Variants in ING3 observed in about 807,000 individuals in gnomAD.
ING3 encodes the protein inhibitor of growth protein 3.
Under a neutral mutation model 64.8 loss-of-function variants are expected in ING3, and 6 were observed. The ratio of observed to expected loss-of-function variants is 0.09; its 90% CI spans 0.05 to 0.18. ING3 has a LOEUF of 0.18. ING3 is among the 10% of genes least tolerant of loss of function. The pLI, the probability that ING3 is intolerant of heterozygous loss-of-function variation, is 1.00. For missense variants in ING3, 310 were observed against 489.7 expected (o/e 0.63, Z 3.46); for synonymous variants, 170 against 173.7 (o/e 0.98, Z 0.17).
intron 9 of ING3, among the ~76,000 whole-genome samples, chr7:120,970,262 G>A (rs1796050168): frequency 2.0e-5 from 3 of 152,024 alleles, no homozygotes; most frequent in South Asian, 2.1e-4. Context: ...TCAGGAGATC[G>A]AGACCATCCT....
intron 4 of ING3, among the ~76,000 whole-genome samples, chr7:120,961,683 G>T (rs942775890): frequency 1.3e-5 from 2 of 152,176 alleles, no homozygotes; most frequent in African/African-American, 4.8e-5. Context: ...GATCATGAGT[G>T]TGTTAACAAG....
At chr7:120,973,489 T>C (rs930544111) in intron 11 of ING3, among the ~76,000 whole-genome samples, 1 of 152,180 alleles carries the variant, frequency 6.6e-6, no homozygotes, top group African/African-American at 2.4e-5. Flanking sequence ...TGTTATGTTG[T>C]ATGAAAATTA....
At chr7:120,971,957 A>G (rs1042105832) in intron 10 of ING3, among the ~76,000 whole-genome samples, 15 of 152,110 alleles carry the variant, frequency 9.9e-5, no homozygotes, top group Admixed American at 9.8e-4. Flanking sequence ...GTAGTTTTAT[A>G]TTATGATTGT....
intron 10 of ING3, 33 bp downstream of exon 10, chr7:120,970,913 C>G (rs1254818161): frequency 6.7e-7 from 1 of 1,486,788 alleles, no homozygotes; most frequent in Middle Eastern, 1.7e-4. Flanking sequence ...AAAGTATAAT[C>G]TGAATAAACT....
intron 1 of ING3, 80 bp downstream of exon 1, chr7:120,951,004 C>A: frequency 3.5e-6 from 2 of 575,392 alleles, no homozygotes; most frequent in Non-Finnish European, 6.6e-6. Flanking sequence ...AGCGAGATGG[C>A]GGGAGGGAGG....
At position 120,969,067 on chromosome 7, in the gene ING3, T is replaced by G. The variant is rs776051200; in HGVS notation, c.771T>G (p.Asn257Lys). 1 of 1,613,994 alleles carries G rather than the reference T, an allele frequency of 6.2e-7. No homozygotes were observed. Among genetic ancestry groups the G allele is most frequent in the Non-Finnish European group, 8.5e-7 (1 of 1,179,906 alleles). The change falls in exon 9 of 12, where the codon AAT becomes AAG. Residue 257 changes from asparagine (N) to lysine (K), a missense_variant. Asn to Lys is a moderately conservative substitution (Grantham distance 94). Transcript: ENST00000315870. ...AAGCCAGTTATGAAGCATTTAAGAA[T>G]AATGACTTTCAGTTGGGAAAAGAAT... ...SLKASYEAFKNNDFQLGKEFS... is the reference protein window; with the variant it reads ...SLKASYEAFKKNDFQLGKEFS...
rs1050420192 is a variant in ING3 at position 120,973,069 on chromosome 7, T to A, written c.1102-136T>A. 8.4e-6 allele frequency: 4 copies of A among 477,552 alleles called. No homozygotes were observed. The African/African-American group carries it at 8.4e-5, about 10-fold the overall frequency. The allele number at this position is 477,552 out of a possible 1,614,324, so 29.6% of individuals were successfully genotyped here. A position where few individuals can be genotyped will look rare whatever the true frequency, so the allele number is the denominator to read the frequency against. ...AGAGTATTTCAGGAAAAAATTATTA[T>A]ACCTTGATTCTCAATGTAATTGTAT... On this transcript the variant is annotated intron_variant, in intron 10 of 11. Transcript: ENST00000315870.
chr7:120,950,872 T>C lies in ING3; in HGVS notation c.-25T>C, dbSNP rs1256204964. The C allele has an allele frequency of 6.2e-6, 10 of 1,612,680 alleles. No individual in the cohort carries two copies. The highest frequency in any genetic ancestry group is 8.5e-6 in the Non-Finnish European group (10 of 1,179,248). The stretch of plus-strand genomic sequence containing the variant: ...ACACAAATAAACCCCTGGACCCCCT[T>C]GTTCCCTCAGCTCTAAGGGCCGCGA... On this transcript the variant is annotated 5_prime_UTR_variant, in exon 1 of 12. Coordinates refer to ENST00000315870, the MANE Select transcript of ING3 (RefSeq NM_019071.3).
Position 120,967,544 on chromosome 7 carries a change from C to A in ING3, c.452C>A (p.Pro151Gln). The A allele has an allele frequency of 6.5e-7, 1 of 1,549,212 alleles. No homozygotes were observed. Among genetic ancestry groups the A allele is most frequent in the Non-Finnish European group, 8.8e-7 (1 of 1,137,726 alleles). Residue 151 changes from proline to glutamine, a missense_variant, in exon 7 of 12, where the codon CCA becomes CAA. Coordinates refer to ENST00000315870, the MANE Select transcript of ING3 (RefSeq NM_019071.3). Reference protein sequence around the residue: ...HTPVEKRKYNPTSHHTTTDHI... With the variant: ...HTPVEKRKYNQTSHHTTTDHI... ...TTATATTTAGAAAGGAAATATAATC[C>A]AACTTCTCACCATACGACAACAGAT...
At chr7:120,957,811 G>A (rs957473613) in intron 4 of ING3, among the ~76,000 whole-genome samples, 4 of 152,204 alleles carry the variant, frequency 2.6e-5, no homozygotes, top group Non-Finnish European at 5.9e-5. Flanking sequence ...GTCCATAATG[G>A]ATCCATGCAG....
chr7:120,951,184 GATC>G lies in ING3; in HGVS notation c.50_52del (p.Asp17_Leu18delinsVal). The G allele has an allele frequency of 6.2e-7, 1 of 1,614,164 alleles. No individual in the cohort carries two copies. Among genetic ancestry groups the G allele is most frequent in the Non-Finnish European group, 8.5e-7 (1 of 1,180,036 alleles). ...GACAGTGATTGAGCAGCTTCCTATGGATCTGCGGGACCGCTTCACGGAAATGCG... is the reference window on the plus strand; with the variant it reads ...GACAGTGATTGAGCAGCTTCCTATGGTGCGGGACCGCTTCACGGAAATGCG... On this transcript the variant is annotated inframe_deletion, in exon 2 of 12. Transcript: ENST00000315870.
At chr7:120,960,810 A>G (rs891035924) in intron 4 of ING3, among the ~76,000 whole-genome samples, 7 of 152,224 alleles carry the variant, frequency 4.6e-5, no homozygotes, top group Non-Finnish European at 8.8e-5. Context: ...TTCTAGAAGC[A>G]TGATACTCAT....
At chr7:120,950,992 G>A (rs1795752061) in intron 1 of ING3, 68 bp downstream of exon 1, 3 of 1,506,108 alleles carry the variant, frequency 2.0e-6, no homozygotes, top group Admixed American at 1.7e-5. Context: ...GAGTGGACGG[G>A]CAGCGAGATG....
intron 4 of ING3, 78 bp downstream of exon 4, chr7:120,955,702 G>T: frequency 1.0e-6 from 1 of 975,406 alleles, no homozygotes. Context: ...TGGCTTAAAT[G>T]TAGTAGGAAG....
At chr7:120,966,759 A>G (rs1291417911) in intron 6 of ING3, 62 bp downstream of exon 6, 38 of 1,179,258 alleles carry the variant, frequency 3.2e-5, no homozygotes, top group Non-Finnish European at 4.0e-5. Context: ...TATCACCTAT[A>G]TGTTCTCTTT....
At chr7:120,961,354 A>G (rs1422181554) in intron 4 of ING3, among the ~76,000 whole-genome samples, 1 of 152,172 alleles carries the variant, frequency 6.6e-6, no homozygotes, top group East Asian at 1.9e-4. Flanking sequence ...AGACCTTTTC[A>G]TGGTTAGAAA....
At position 120,950,940 on chromosome 7, in the gene ING3, T is replaced by C; in HGVS notation, c.28+16T>C. The C allele has an allele frequency of 6.7e-7, 1 of 1,482,038 alleles. No individual in the cohort carries two copies. Among genetic ancestry groups the C allele is most frequent in the Non-Finnish European group, 9.1e-7 (1 of 1,100,538 alleles). The allele number at this position is 1,482,038 out of a possible 1,614,324, so 91.8% of individuals were successfully genotyped here. On this transcript the variant is annotated intron_variant, in intron 1 of 11. Coordinates refer to ENST00000315870, the MANE Select transcript of ING3 (RefSeq NM_019071.3). ...TATCTGGAAAGTGAGTGCGCGGCGC[T>C]GGCGGCGGCCGCCAGTGGGACGTGC...
intron 1 of ING3, 33 bp from the exon 2 acceptor site, chr7:120,951,131 C>G (rs545429239): frequency 6.2e-7 from 1 of 1,610,270 alleles, no homozygotes; most frequent in South Asian, 1.1e-5. Flanking sequence ...TCGCCGTTGG[C>G]CCCGCCCCTC....
intron 6 of ING3, among the ~76,000 whole-genome samples, chr7:120,966,947 AC>A (rs776501621): frequency 6.6e-6 from 1 of 152,180 alleles, no homozygotes. Flanking sequence ...TTCCCTTCAT[AC>A]ACATACCTGA....
Sources: gnomAD v4.1 joint callset for allele counts (sites outside exome capture counted in the v4.1 genomes callset) on GRCh38, gnomAD v4.1.1 for gene constraint, MANE v1.5 for transcripts, NCBI Gene and HGNC (gene_info 2026-07-23, HGNC 2026-07-21) for gene names.